Variants in MCC observed in about 807,000 individuals in gnomAD.
The protein encoded by MCC is colorectal mutant cancer protein.
Under a neutral mutation model 116.2 loss-of-function variants are expected in MCC, and 90 were observed. That is an observed-to-expected ratio of 0.77 (90% CI 0.65 to 0.92). The LOEUF is 0.92. Among genes scored for constraint, MCC ranks in the 40% least tolerant of loss-of-function variants. The pLI, the probability that MCC is intolerant of heterozygous loss-of-function variation, is 0.00. For missense variants in MCC, 1,516 were observed against 1,312.2 expected (o/e 1.16, Z -2.40); for synonymous variants, 578 against 510.5 (o/e 1.13, Z -1.78).
chr5:113,231,485 C>G (rs1000059703), intron 3 of MCC, among the ~76,000 whole-genome samples: 4 of 152,126 alleles, frequency 2.6e-5, no homozygotes, highest in African/African-American at 9.7e-5. Flanking sequence ...CAGATCACAA[C>G]TCAGAATATT....
At chr5:113,169,049 C>T (rs1307792775) in intron 3 of MCC, among the ~76,000 whole-genome samples, 1 of 152,120 alleles carries the variant, frequency 6.6e-6, no homozygotes, top group East Asian at 1.9e-4. Context: ...AGCCCCAGAG[C>T]ACCCTGAATG....
chr5:113,348,401 TAAC>T (rs1768183965), intron 2 of MCC, among the ~76,000 whole-genome samples: 2 of 152,076 alleles, frequency 1.3e-5, no homozygotes, highest in East Asian at 3.9e-4. Context: ...TGGAAATCAA[TAAC>T]AAGAGGAATT....
Position 113,314,257 on chromosome 5 carries a change from T to G in MCC, c.627+26262A>C, listed in dbSNP as rs562233750. Among the ~76,000 whole-genome samples the G allele has an allele frequency of 6.0e-4, 91 of 152,194 alleles. 1 individual carries two copies. In the Middle Eastern group the frequency reaches 0.014, roughly 23 times the overall value. On this transcript the variant is annotated intron_variant, in intron 3 of 18. Transcript: ENST00000408903. ...GGCTTCATTTTGCCTTTAATTGGAG[T>G]TTTAAAATGATAGAATAGACAAATA...
chr5:113,414,068 G>A (rs968888358), intron 1 of MCC, among the ~76,000 whole-genome samples: 2 of 152,206 alleles, frequency 1.3e-5, no homozygotes, highest in Admixed American at 1.3e-4. Flanking sequence ...CAGTTTCCAT[G>A]TAGTTGTGCG....
intron 5 of MCC, among the ~76,000 whole-genome samples, chr5:113,139,706 A>G (rs1251072916): frequency 6.6e-6 from 1 of 152,174 alleles, no homozygotes; most frequent in Non-Finnish European, 1.5e-5. Flanking sequence ...TGATTCCTCA[A>G]AGATCTAGAA....
chr5:113,306,198 T>C (rs1034589070), intron 3 of MCC, among the ~76,000 whole-genome samples: 5 of 152,246 alleles, frequency 3.3e-5, no homozygotes, highest in African/African-American at 1.2e-4. Flanking sequence ...CTATTATGAA[T>C]AATGTTGCTA....
At chr5:113,391,530 C>A (rs986027159) in intron 1 of MCC, among the ~76,000 whole-genome samples, 1 of 152,006 alleles carries the variant, frequency 6.6e-6, no homozygotes, top group Non-Finnish European at 1.5e-5. Context: ...GCCCGGGCAA[C>A]AAAGTGAGAC....
intron 4 of MCC, 143 bp from the exon 5 acceptor site, chr5:113,143,503 C>T: frequency 1.2e-6 from 1 of 844,372 alleles, no homozygotes; most frequent in Non-Finnish European, 1.8e-6. Flanking sequence ...CATCGGCTGG[C>T]AATCCCAGGA....
chr5:113,487,965 C>T (rs1772587852), intron 1 of MCC, among the ~76,000 whole-genome samples: 1 of 152,138 alleles, frequency 6.6e-6, no homozygotes, highest in Non-Finnish European at 1.5e-5. Flanking sequence ...ACACTCCAAG[C>T]CCCCGGAAGA....
At chr5:113,193,558 G>C (rs767028455) in intron 3 of MCC, among the ~76,000 whole-genome samples, 1 of 152,048 alleles carries the variant, frequency 6.6e-6, no homozygotes, top group Non-Finnish European at 1.5e-5. Context: ...AATTCTCTCC[G>C]TATCTTGTCA....
At chr5:113,324,310 G>A (rs1767495007) in intron 3 of MCC, among the ~76,000 whole-genome samples, 1 of 152,150 alleles carries the variant, frequency 6.6e-6, no homozygotes, top group Non-Finnish European at 1.5e-5. Context: ...TACTTTTGGT[G>A]TGGGCATGAT....
chr5:113,244,556 A>G (rs1581308786), intron 3 of MCC, among the ~76,000 whole-genome samples: 1 of 152,210 alleles, frequency 6.6e-6, no homozygotes, highest in Non-Finnish European at 1.5e-5. Flanking sequence ...TTCTAAATAC[A>G]ACATTTGGTT....
intron 3 of MCC, among the ~76,000 whole-genome samples, chr5:113,298,470 C>T (rs1403203096): frequency 6.6e-6 from 1 of 152,138 alleles, no homozygotes; most frequent in African/African-American, 2.4e-5. Context: ...GGGGTAGTGA[C>T]CATGCACAAT....
chr5:113,260,294 C>G (rs1379611028), intron 3 of MCC, among the ~76,000 whole-genome samples: 1 of 152,022 alleles, frequency 6.6e-6, no homozygotes, highest in Non-Finnish European at 1.5e-5. Context: ...AACCTAGATA[C>G]TTTTTATGTA....
chr5:113,266,538 T>C (rs1765424101), intron 3 of MCC, among the ~76,000 whole-genome samples: 1 of 152,154 alleles, frequency 6.6e-6, no homozygotes, highest in African/African-American at 2.4e-5. Context: ...CACTACTCCC[T>C]TACTTTTTTT....
chr5:113,461,058 A>C (rs1771728724), intron 1 of MCC, among the ~76,000 whole-genome samples: 1 of 152,226 alleles, frequency 6.6e-6, no homozygotes, highest in East Asian at 1.9e-4. Flanking sequence ...CAGGAGTTTG[A>C]GACCAGCCTG....
Position 113,143,256 on chromosome 5 carries a change from G to C in MCC, c.846C>G (p.Leu282=). Reference sequence around the variant, plus strand: ...CTTGCAGACGGTCTATCTTCTTGTTGAGCTCCGCAATGACGCTGTGGAGCT... The same window carrying C: ...CTTGCAGACGGTCTATCTTCTTGTTCAGCTCCGCAATGACGCTGTGGAGCT... ...ITELHSVIAE[L]NKKIDRLQGT... is the part of the protein sequence containing the mutation. Residue 282 remains leucine (L), a synonymous_variant, in exon 5 of 19, where the codon CTC becomes CTG. Transcript: ENST00000408903. The C allele has an allele frequency of 6.2e-7, 1 of 1,611,738 alleles. No homozygotes were observed. The highest frequency in any genetic ancestry group is 8.5e-7 in the Non-Finnish European group (1 of 1,179,322).
At chr5:113,244,359 T>C (rs907248759) in intron 3 of MCC, among the ~76,000 whole-genome samples, 1 of 152,238 alleles carries the variant, frequency 6.6e-6, no homozygotes, top group African/African-American at 2.4e-5. Flanking sequence ...GACAAATATA[T>C]TTTGATCTTC....
At chr5:113,377,654 C>G (rs1318646245) in intron 2 of MCC, among the ~76,000 whole-genome samples, 1 of 152,124 alleles carries the variant, frequency 6.6e-6, no homozygotes, top group East Asian at 1.9e-4. Context: ...GAATTAGGGA[C>G]TCCTCAAGGA....
Sources: allele counts gnomAD v4.1 joint callset (sites outside exome capture counted in the v4.1 genomes callset), GRCh38; gene constraint gnomAD v4.1.1; transcripts MANE v1.5; gene names NCBI Gene and HGNC (gene_info 2026-07-23, HGNC 2026-07-21).